SMTN: variants seen among roughly 807,000 people sequenced by gnomAD.
SMTN encodes the protein smoothelin.
Under a neutral mutation model 102.0 loss-of-function variants are expected in SMTN, and 58 were observed. The ratio of observed to expected loss-of-function variants is 0.57; its 90% confidence interval spans 0.46 to 0.71. The LOEUF (loss-of-function observed/expected upper bound fraction) is 0.71, where lower values mean the gene tolerates loss of function less well. Among genes scored for constraint, SMTN ranks in the 30% least tolerant of loss-of-function variants. The pLI, the probability that SMTN is intolerant of heterozygous loss-of-function variation, is 0.00. For missense variants in SMTN, 1,185 were observed against 1,241.7 expected, an observed-to-expected ratio of 0.95 and a Z score of 0.69; for synonymous variants, 478 against 497.9, an observed-to-expected ratio of 0.96 and a Z score of 0.53.
In SMTN at chr22:31,087,992, C is replaced by T. The variant is rs200037739; in HGVS notation, c.79C>T (p.Arg27Trp). 151 of 1,606,412 alleles carry T rather than the reference C, an allele frequency of 9.4e-5. No homozygotes were observed. Among genetic ancestry groups the T allele is most frequent in the Non-Finnish European group, 1.2e-4 (146 of 1,174,780 alleles). The change falls in exon 3 of 21, where the codon CGG becomes TGG. Residue 27 changes from arginine (R) to tryptophan (W), a missense_variant. Transcript: ENST00000333137. ...LLEVTADLAE[R>W]RRIRSAIREL... ...GGAGGTCACAGCAGATCTGGCAGAG[C>T]GGCGGCGCATCCGCTCAGCCATCCG...
rs2043083903 is a variant in SMTN, at chr22:31,090,944, C to T, written c.938-17C>T. On this transcript the variant is annotated splice_polypyrimidine_tract_variant and intron_variant, in intron 9 of 20. Coordinates refer to ENST00000333137, the MANE Select transcript of SMTN (RefSeq NM_134269.3). ...CCTGTCCCACCCAGTTGCTGACAGCCCTCCTGTTCCTTCTAGAGTCCACCC... is the reference window on the plus strand; with the variant it reads ...CCTGTCCCACCCAGTTGCTGACAGCTCTCCTGTTCCTTCTAGAGTCCACCC... The T allele has an allele frequency of 6.2e-7, 1 of 1,612,304 alleles. No homozygotes were observed. Among genetic ancestry groups the T allele is most frequent in the Admixed American group, 1.7e-5 (1 of 59,928 alleles).
rs1569247699 is a variant in SMTN, at chr22:31,088,870, A to T, written c.374-2A>T. ...ACCTGCCACTTGCTCCTTCCCTTCC[A>T]GCTGCCACCTTGGCTGGGAGGTTGT... On this transcript the variant is annotated splice_acceptor_variant, in intron 5 of 20. Transcript: ENST00000333137. LOFTEE classifies it high-confidence loss of function. 6.2e-7 allele frequency: 1 copy of T among 1,613,572 alleles called. No homozygotes were observed. The highest frequency in any genetic ancestry group is 8.5e-7 in the Non-Finnish European group (1 of 1,179,906).
chr22:31,093,747 G>T (rs752171001), intron 11 of SMTN: 1 of 1,506,950 alleles, frequency 6.6e-7, no homozygotes, highest in South Asian at 1.1e-5. Flanking sequence ...CCAGCGAGCT[G>T]CTCCTGGCTG....
In SMTN at chr22:31,095,403, T is replaced by C. The variant is rs1247111443; in HGVS notation, c.1733T>C (p.Leu578Pro). The C allele has an allele frequency of 6.2e-7, 1 of 1,614,248 alleles. No individual in the cohort carries two copies. Among genetic ancestry groups the C allele is most frequent in the African/African-American group, 1.3e-5 (1 of 75,068 alleles). The change falls in exon 12 of 21, where the codon CTG (leucine) becomes CCG (proline). Residue 578 changes from leucine (L) to proline (P), a missense_variant. By Grantham distance (98) the Leu-to-Pro change is moderately conservative. Transcript: ENST00000333137. The surrounding 1 kb of genome is among the most constrained non-coding windows in gnomAD (Gnocchi z 4.1). ...VNKAPEGRSP[L>P]SAEELMTIED... ...AAAGCACCAGAAGGGCGGAGCCCTC[T>C]GAGCGCTGAGGAGCTGATGACTATT...
At position 31,091,771 on chromosome 22, in the gene SMTN, C is replaced by G; in HGVS notation, c.1556C>G (p.Ala519Gly). ...CGTGTCAACAGCCCTGGGACCCTGG[C>G]TCGGCTGGGCAGTGTCACTCATGTC... ...ITRVNSPGTL[A>G]RLGSVTHVTS... is the part of the protein sequence containing the mutation. The change falls in exon 11 of 21, where the codon GCT becomes GGT. Residue 519 changes from alanine to glycine, a missense_variant. By Grantham distance (60) the Ala-to-Gly change is moderately conservative. This residue lies in a region of SMTN where 1,096 missense variants were observed against 1,112.7 expected (regional missense o/e 0.98). Coordinates refer to ENST00000333137, the MANE Select transcript of SMTN (RefSeq NM_134269.3). 1 of 1,610,946 alleles carries G rather than the reference C, an allele frequency of 6.2e-7. No homozygotes were observed. The highest frequency in any genetic ancestry group is 8.5e-7 in the Non-Finnish European group (1 of 1,178,594).
At chr22:31,080,509 G>A (rs2042248999), upstream of SMTN, 3 of 152,160 alleles carry the variant, frequency 2.0e-5, no homozygotes, top group Non-Finnish European at 4.4e-5. Context: ...ACCCAAGGGC[G>A]GCTTTAGGGC....
intron 1 of SMTN, chr22:31,067,601 C>T (rs1262855244): frequency 7.2e-6 from 1 of 139,810 alleles, no homozygotes; most frequent in African/African-American, 2.7e-5. Flanking sequence ...GTTGCCCAGG[C>T]TGGAGTGCAG....
rs2042915342 is a variant in SMTN at position 31,088,967 on chromosome 22, G to GATA, written c.470_471insTAA (p.Glu157delinsAspLys). On this transcript the variant is annotated protein_altering_variant and splice_region_variant, in exon 6 of 21. Coordinates refer to ENST00000333137, the MANE Select transcript of SMTN (RefSeq NM_134269.3). The stretch of plus-strand genomic sequence containing the variant: ...AGCGGCACACAGGCTGGAACAGTGT[G>GATA]AGGTAAGGAGGGTGGGAGAGTGGCC... The GATA allele has an allele frequency of 6.2e-7, 1 of 1,612,752 alleles. No homozygotes were observed.
rs376138812 is a variant in SMTN, at chr22:31,093,798, C to T, written c.1633-1505C>T. Reference sequence around the variant, plus strand: ...CCCTCTTTCAGGCTGCCGAGGATGCCGGGACCCCCGTGGCCCACCCACCTG... The same window carrying T: ...CCCTCTTTCAGGCTGCCGAGGATGCTGGGACCCCCGTGGCCCACCCACCTG... On this transcript the variant is annotated intron_variant, in intron 11 of 20. Transcript: ENST00000333137. The T allele has an allele frequency of 1.4e-4, 224 of 1,593,214 alleles. No homozygotes were observed. In the African/African-American group the frequency reaches 2.4e-3, roughly 17 times the overall value.
chr22:31,076,163 C>T (rs1602574310), intron 1 of SMTN, among the ~76,000 whole-genome samples: 3 of 152,334 alleles, frequency 2.0e-5, no homozygotes, highest in African/African-American at 2.4e-5. Context: ...GCCGCCACGT[C>T]TACACTTGGC....
upstream of SMTN, among the ~76,000 whole-genome samples, chr22:31,078,977 A>G (rs2042195659): frequency 6.6e-6 from 1 of 152,212 alleles, no homozygotes; most frequent in African/African-American, 2.4e-5. Context: ...GTGGCAGCAA[A>G]GTGGAGGGAA....
chr22:31,090,050 G>A (rs1218713125), intron 7 of SMTN, 31 bp downstream of exon 7: 5 of 1,610,456 alleles, frequency 3.1e-6, no homozygotes, highest in South Asian at 1.1e-5. Context: ...GGGATGCCAG[G>A]CAAGTGAGCA....
intron 6 of SMTN, 73 bp from the exon 7 acceptor site, chr22:31,089,626 G>A (rs1275259773): frequency 7.0e-7 from 1 of 1,437,846 alleles, no homozygotes; most frequent in South Asian, 1.3e-5. Flanking sequence ...GCACTTGCCA[G>A]CCTGGCCCTC....
chr22:31,074,890 A>G (rs1241032788), intron 1 of SMTN, among the ~76,000 whole-genome samples: 3 of 152,218 alleles, frequency 2.0e-5, no homozygotes, highest in Admixed American at 1.3e-4. Flanking sequence ...GAATTGACTG[A>G]GGGAATGCAC....
intron 10 of SMTN, 42 bp downstream of exon 10, chr22:31,091,524 G>C: frequency 6.6e-7 from 1 of 1,514,578 alleles, no homozygotes; most frequent in Non-Finnish European, 8.8e-7. Flanking sequence ...ATGAGTGCCT[G>C]CAACCGCACT....
chr22:31,085,679 C>G (rs2042645850), intron 2 of SMTN, among the ~76,000 whole-genome samples: 1 of 152,218 alleles, frequency 6.6e-6, no homozygotes, highest in Admixed American at 6.5e-5. Flanking sequence ...TCCCTCCTTA[C>G]ACAGCGGTGG....
Position 31,100,871 on chromosome 22 carries a change from C to A in SMTN, c.2604-14C>A. 6.5e-7 allele frequency: 1 copy of A among 1,544,694 alleles called. No individual in the cohort carries two copies. Among genetic ancestry groups the A allele is most frequent in the Non-Finnish European group, 8.8e-7 (1 of 1,138,110 alleles). On this transcript the variant is annotated splice_polypyrimidine_tract_variant and intron_variant, in intron 19 of 20. Coordinates refer to ENST00000333137, the MANE Select transcript of SMTN (RefSeq NM_134269.3). ...CCCGTCCCCCACCCCTTCCCGGCCC[C>A]CTACCCTCCCCAGGACCCATGCGGA...
At chr22:31,098,893 G>A (rs1326492794) in intron 17 of SMTN, 53 bp downstream of exon 17, 2 of 1,554,468 alleles carry the variant, frequency 1.3e-6, no homozygotes, top group Non-Finnish European at 1.7e-6. Context: ...ATAGGCAGTG[G>A]GGGGCGGGGC....
chr22:31,080,424 G>T (rs1176464792), upstream of SMTN: 1 of 152,130 alleles, frequency 6.6e-6, no homozygotes, highest in African/African-American at 2.4e-5. Flanking sequence ...CAAAATAAAT[G>T]ATTTGTTATT....
Sources: allele counts gnomAD v4.1 joint callset (sites outside exome capture counted in the v4.1 genomes callset), GRCh38; gene constraint gnomAD v4.1.1; regional missense constraint gnomAD v4.1.1; non-coding constraint Gnocchi (gnomAD v3.1); transcripts MANE v1.5; gene names NCBI Gene and HGNC (gene_info 2026-07-23, HGNC 2026-07-21).